The following SLC60A2 variants were observed in gnomAD, a reference collection of about 807,000 sequenced individuals.
The protein encoded by SLC60A2 is major facilitator superfamily domain containing 4B.
chr6:111,267,322 T>C, the SLC60A2 span: 1 of 518,972 alleles, frequency 1.9e-6, no homozygotes. Flanking sequence ...ACACGTACAA[T>C]AGGATCTTGT....
At chr6:111,276,874 G>A in the SLC60A2 span, among the ~76,000 whole-genome samples, 3 of 152,068 alleles carry the variant, frequency 2.0e-5, no homozygotes, top group Non-Finnish European at 4.4e-5. Flanking sequence ...CCAGATTCCA[G>A]AGGAAACCTG....
chr6:111,279,139 G>A, the SLC60A2 span, among the ~76,000 whole-genome samples: 2 of 152,180 alleles, frequency 1.3e-5, no homozygotes, highest in African/African-American at 4.8e-5. Flanking sequence ...GAGAACCACT[G>A]CTTTGATCAG....
the SLC60A2 span, chr6:111,271,147 AAC>A: frequency 1.5e-5 from 2 of 132,022 alleles, no homozygotes; most frequent in African/African-American, 5.6e-5. Context: ...CAGCCTGGGC[AAC>A]AGAGGGAGAC....
chr6:111,263,652 A>T, the SLC60A2 span, among the ~76,000 whole-genome samples: 2 of 152,230 alleles, frequency 1.3e-5, no homozygotes, highest in Non-Finnish European at 2.9e-5. Flanking sequence ...ATATTTCATA[A>T]TCCATAAAGA....
At chr6:111,262,186 A>G in the SLC60A2 span, 3 of 1,292,330 alleles carry the variant, frequency 2.3e-6, no homozygotes, top group Non-Finnish European at 3.2e-6. Flanking sequence ...TTTATAGTGG[A>G]AGAAACTACC....
the SLC60A2 span, among the ~76,000 whole-genome samples, chr6:111,261,391 G>T: frequency 1.3e-5 from 2 of 152,118 alleles, no homozygotes. Context: ...GGGCTTAAGC[G>T]ATCCTTCCAT....
chr6:111,262,873 G>A, the SLC60A2 span, among the ~76,000 whole-genome samples: 22 of 152,212 alleles, frequency 1.4e-4, no homozygotes, highest in East Asian at 4.2e-3. Flanking sequence ...TGTTCCTGCT[G>A]CCCCATGTTG....
the SLC60A2 span, chr6:111,266,599 A>C: frequency 6.2e-7 from 1 of 1,614,226 alleles, no homozygotes; most frequent in Admixed American, 1.7e-5. Context: ...TGGATTGAGC[A>C]GTACACGACC....
chr6:111,263,205 G>C, the SLC60A2 span, among the ~76,000 whole-genome samples: 1 of 152,118 alleles, frequency 6.6e-6, no homozygotes, highest in Non-Finnish European at 1.5e-5. Context: ...TGGGATTACA[G>C]GTGTGAGCCA....
the SLC60A2 span, chr6:111,265,949 T>C: frequency 6.5e-5 from 105 of 1,614,098 alleles, no homozygotes; most frequent in South Asian, 1.1e-3. Flanking sequence ...ACTTCTCTTT[T>C]GCCTTGGGTG....
chr6:111,259,552 T>G, the SLC60A2 span: 1 of 703,086 alleles, frequency 1.4e-6, no homozygotes, highest in Non-Finnish European at 2.2e-6. Flanking sequence ...GAGTTAGAGG[T>G]GGAGCTCCGT....
At chr6:111,271,775 TAAAAAAAAAAAAAAAAA>T in the SLC60A2 span, among the ~76,000 whole-genome samples, 3 of 18,836 alleles carry the variant, frequency 1.6e-4, no homozygotes, top group Non-Finnish European at 1.9e-4. Context: ...CCATCTCTAC[TAAAAAAAAAAAAAAAAA>T]AAAAAAAAAA....
the SLC60A2 span, chr6:111,264,036 C>A: frequency 1.5e-6 from 1 of 657,074 alleles, no homozygotes; most frequent in Non-Finnish European, 2.7e-6. Flanking sequence ...TGCAATGCCC[C>A]CTAAAATGAC....
At chr6:111,262,980 C>G in the SLC60A2 span, among the ~76,000 whole-genome samples, 274 of 152,216 alleles carry the variant, frequency 1.8e-3, no homozygotes, top group Non-Finnish European at 3.3e-3. Flanking sequence ...CTCTATTGCC[C>G]AGGCTGGAGT....
At chr6:111,271,803 A>AAAAAAAAAAAAAAAAC in the SLC60A2 span, among the ~76,000 whole-genome samples, 1 of 86,826 alleles carries the variant, frequency 1.2e-5, no homozygotes, top group Non-Finnish European at 3.0e-5. Context: ...AAAAAAAAAA[A>AAAAAAAAAAAAAAAAC]AAAGTACAAA....
At chr6:111,265,403 C>T in the SLC60A2 span, 1 of 985,130 alleles carries the variant, frequency 1.0e-6, no homozygotes, top group Non-Finnish European at 1.2e-6. Context: ...TATTCAGGTT[C>T]CTGGACGTGT....
At chr6:111,279,452 G>A in the SLC60A2 span, among the ~76,000 whole-genome samples, 5 of 151,758 alleles carry the variant, frequency 3.3e-5, no homozygotes, top group South Asian at 2.1e-4. Context: ...GTTTCACCAC[G>A]TTAGCCAGGA....
chr6:111,261,649 A>C, the SLC60A2 span, among the ~76,000 whole-genome samples: 1 of 151,948 alleles, frequency 6.6e-6, no homozygotes, highest in Admixed American at 6.6e-5. Flanking sequence ...GCTGGAGTGC[A>C]ATGGTGCAGT....
chr6:111,262,328 T>G, the SLC60A2 span: 19 of 1,613,996 alleles, frequency 1.2e-5, no homozygotes, highest in Non-Finnish European at 1.3e-5. Flanking sequence ...ATATCAGTAG[T>G]CTGTCTTTCA....
Sources: gnomAD v4.1 joint callset for allele counts (sites outside exome capture counted in the v4.1 genomes callset) on GRCh38, gnomAD v4.1.1 for gene constraint, MANE v1.5 for transcripts, NCBI Gene and HGNC (gene_info 2026-07-23, HGNC 2026-07-21) for gene names.